The following FHIP1B variants were observed in gnomAD, a reference collection of about 807,000 sequenced individuals.
FHIP1B encodes FHF complex subunit HOOK-interacting protein 1B.
In FHIP1B, 28 loss-of-function variants were observed where a neutral mutation model predicts 82.2. That is an observed-to-expected ratio of 0.34 (90% CI 0.25 to 0.47). The LOEUF (loss-of-function observed/expected upper bound fraction) is 0.47, where lower values mean the gene tolerates loss of function less well. Among genes scored for constraint, FHIP1B ranks in the 20% least tolerant of loss-of-function variants. The probability of loss-of-function intolerance (pLI) is 1.00; values close to 1 mark genes in which losing one functional copy is unlikely to be tolerated. For missense variants in FHIP1B, 1,110 were observed against 1,262.6 expected (o/e 0.88, Z 1.83); for synonymous variants, 585 against 516.1 (o/e 1.13, Z -1.81).
chr11:6,232,765 C>T (rs1054433282), intron 1 of FHIP1B, among the ~76,000 whole-genome samples: 3 of 152,070 alleles, frequency 2.0e-5, no homozygotes, highest in Non-Finnish European at 4.4e-5. Context: ...ACCATCATCA[C>T]TTTAAATTTC....
intron 1 of FHIP1B, among the ~76,000 whole-genome samples, chr11:6,231,326 G>A (rs1847691588): frequency 6.6e-6 from 1 of 151,928 alleles, no homozygotes; most frequent in South Asian, 2.1e-4. Context: ...GGGCTTTTGG[G>A]GCAAAGACTA....
chr11:6,228,771 T>C (rs1847627614), intron 1 of FHIP1B, among the ~76,000 whole-genome samples: 1 of 152,210 alleles, frequency 6.6e-6, no homozygotes, highest in Non-Finnish European at 1.5e-5. Context: ...TCATACATGG[T>C]TTCTTAATAA....
chr11:6,216,259 G>A (rs1181229262), intron 9 of FHIP1B, among the ~76,000 whole-genome samples: 2 of 152,196 alleles, frequency 1.3e-5, no homozygotes, highest in Non-Finnish European at 2.9e-5. Flanking sequence ...TGAGCAGGAT[G>A]GCCAGCATCT....
At chr11:6,225,607 T>G (rs1320040676) in intron 1 of FHIP1B, among the ~76,000 whole-genome samples, 2 of 152,196 alleles carry the variant, frequency 1.3e-5, no homozygotes, top group Non-Finnish European at 2.9e-5. Context: ...AAATATTCGT[T>G]GAACGTATTA....
At chr11:6,234,183 T>C (rs1341066388) in intron 1 of FHIP1B, among the ~76,000 whole-genome samples, 1 of 151,958 alleles carries the variant, frequency 6.6e-6, no homozygotes, top group Non-Finnish European at 1.5e-5. Flanking sequence ...CCTCACCAAT[T>C]TGCCGCCACC....
chr11:6,218,490 T>C (rs1847312837), intron 8 of FHIP1B, 110 bp downstream of exon 8: 1 of 1,506,402 alleles, frequency 6.6e-7, no homozygotes, highest in East Asian at 2.3e-5. Context: ...AGACTATCAT[T>C]CATGGACACC....
intron 9 of FHIP1B, 116 bp from the exon 10 acceptor site, chr11:6,215,027 C>T (rs1847187371): frequency 5.7e-6 from 6 of 1,043,656 alleles, no homozygotes; most frequent in Non-Finnish European, 7.8e-6. Flanking sequence ...GTATGTCAGC[C>T]TCTGGGTATG....
intron 1 of FHIP1B, among the ~76,000 whole-genome samples, chr11:6,234,119 T>A (rs1322527295): frequency 6.6e-6 from 1 of 152,008 alleles, no homozygotes; most frequent in African/African-American, 2.4e-5. Flanking sequence ...CCTCTCACCT[T>A]TATCCAAGTC....
intron 1 of FHIP1B, among the ~76,000 whole-genome samples, chr11:6,228,523 A>G (rs890297070): frequency 2.6e-5 from 4 of 152,232 alleles, no homozygotes; most frequent in Admixed American, 6.5e-5. Flanking sequence ...TGGCATTAAA[A>G]TCGGGTATAC....
intron 1 of FHIP1B, among the ~76,000 whole-genome samples, chr11:6,234,293 C>G (rs1472216515): frequency 6.6e-6 from 1 of 152,078 alleles, no homozygotes; most frequent in East Asian, 1.9e-4. Flanking sequence ...CCTCAGTAGC[C>G]CCAGCCCTAG....
intron 1 of FHIP1B, among the ~76,000 whole-genome samples, chr11:6,233,298 T>C (rs990021555): frequency 3.3e-5 from 5 of 152,306 alleles, no homozygotes; most frequent in African/African-American, 1.2e-4. Context: ...CTGGAAAGAA[T>C]AGGATGTCCC....
intron 1 of FHIP1B, among the ~76,000 whole-genome samples, chr11:6,231,546 C>T (rs983943449): frequency 1.3e-5 from 2 of 148,818 alleles, no homozygotes; most frequent in African/African-American, 2.5e-5. Context: ...CCTCATCTCA[C>T]TGCAACCTCT....
rs775374839 is a variant in FHIP1B at position 6,222,884 on chromosome 11, A to C, written c.950T>G (p.Leu317Arg). The C allele has an allele frequency of 1.9e-6, 3 of 1,614,030 alleles. No homozygotes were observed. The East Asian group carries it at 6.7e-5, about 36-fold the overall frequency. Residue 317 changes from leucine to arginine, a missense_variant, in exon 5 of 12, where the codon CTG becomes CGG. By Grantham distance (102) the Leu-to-Arg change is moderately radical. Around this residue, in one of 6 missense-constraint regions of FHIP1B, gnomAD observed 467 missense variants for 602.9 expected, o/e 0.77. Coordinates refer to ENST00000449352, the MANE Select transcript of FHIP1B (RefSeq NM_001098794.2). ...CNAVIQVAHP[L>R]VQKQLVDYIH... ...ATAATCAACCAACTGCTTCTGCACC[A>C]GGGGGTGAGCCACCTGTAGGAGTGC...
Position 6,223,363 on chromosome 11 carries a change from T to A in FHIP1B, c.778-125A>T, listed in dbSNP as rs1381693448. 2 of 1,121,462 alleles carry A rather than the reference T, an allele frequency of 1.8e-6. No individual in the cohort carries two copies. The highest frequency in any genetic ancestry group is 2.5e-6 in the Non-Finnish European group (2 of 798,004). The allele number at this position is 1,121,462 out of a possible 1,614,324, so 69.5% of individuals were successfully genotyped here. A position where few individuals can be genotyped will look rare whatever the true frequency, so the allele number is the denominator to read the frequency against. Reference sequence around the variant, plus strand: ...GTATAAGCTATTACCAAAGCAAGCATTTGCCTACCCAATGTGCCTGAAACT... The same window carrying A: ...GTATAAGCTATTACCAAAGCAAGCAATTGCCTACCCAATGTGCCTGAAACT... On this transcript the variant is annotated intron_variant, in intron 3 of 11. Coordinates refer to ENST00000449352, the MANE Select transcript of FHIP1B (RefSeq NM_001098794.2). The surrounding 1 kb of genome is among the most constrained non-coding windows in gnomAD (Gnocchi z 4.8).
chr11:6,219,362 A>C lies in FHIP1B; in HGVS notation c.1192-312T>G, dbSNP rs150637096. ...AGCAACACTTGAACGAAAATCCATG[A>C]GAAGAGACTAAGAAATACTGTGATT... On this transcript the variant is annotated intron_variant, in intron 6 of 11. Coordinates refer to ENST00000449352, the MANE Select transcript of FHIP1B (RefSeq NM_001098794.2). 7.4e-4 allele frequency among the ~76,000 whole-genome samples: 113 copies of C among 152,348 alleles called. 1 individual carries two copies. The highest frequency in any genetic ancestry group is 2.6e-3 in the African/African-American group (108 of 41,568).
At chr11:6,213,442 T>C (rs895585628) in intron 11 of FHIP1B, among the ~76,000 whole-genome samples, 1 of 152,206 alleles carries the variant, frequency 6.6e-6, no homozygotes, top group Admixed American at 6.5e-5. Context: ...AAAGTTAATC[T>C]TTTTCTATTG....
chr11:6,215,508 G>C (rs1009684971), intron 9 of FHIP1B, among the ~76,000 whole-genome samples: 6 of 152,250 alleles, frequency 3.9e-5, no homozygotes, highest in Admixed American at 3.9e-4. Context: ...AAAGCTAGAA[G>C]ATGGTGTTGC....
At chr11:6,225,198 T>A (rs1292139263) in intron 1 of FHIP1B, among the ~76,000 whole-genome samples, 2 of 152,228 alleles carry the variant, frequency 1.3e-5, no homozygotes, top group African/African-American at 4.8e-5. Context: ...TTCAAATTCC[T>A]TATCTTGGCC....
intron 8 of FHIP1B, 141 bp downstream of exon 8, chr11:6,218,459 C>T (rs1300119259): frequency 8.3e-6 from 11 of 1,325,102 alleles, no homozygotes; most frequent in Admixed American, 2.1e-5. Flanking sequence ...GCAAGACACC[C>T]TCATCAACCT....
Sources: gnomAD v4.1 joint callset for allele counts (sites outside exome capture counted in the v4.1 genomes callset) on GRCh38, gnomAD v4.1.1 for gene constraint, gnomAD v4.1.1 regional missense constraint, Gnocchi (gnomAD v3.1) non-coding constraint, MANE v1.5 for transcripts, NCBI Gene and HGNC (gene_info 2026-07-23, HGNC 2026-07-21) for gene names.